The following VGLL4 variants were observed in gnomAD, a reference collection of about 807,000 sequenced individuals.
VGLL4 encodes transcription cofactor vestigial-like protein 4.
VGLL4 carries 7 observed loss-of-function variants against 21.0 expected under a neutral mutation model. The observed-to-expected ratio is 0.33, with a 90% confidence interval of 0.19 to 0.63. The LOEUF is 0.63. VGLL4 is among the 20% of genes least tolerant of loss of function. The pLI is 0.78. For synonymous variants in VGLL4, 222 were observed against 173.2 expected (o/e 1.28, Z -2.21); for missense variants, 394 against 425.7 (o/e 0.93, Z 0.66).
At position 11,675,084 on chromosome 3, in the gene VGLL4, G is replaced by A. The variant is rs146765788; in HGVS notation, c.64+27887C>T. Reference sequence around the variant, plus strand: ...AGGCTGGGCGCAGTGGCTCACGCCCGTAATCCCAACACTCTGGGAGGCCGA... The same window carrying A: ...AGGCTGGGCGCAGTGGCTCACGCCCATAATCCCAACACTCTGGGAGGCCGA... On this transcript the variant is annotated intron_variant, in intron 2 of 5. Transcript: ENST00000273038. Among the ~76,000 whole-genome samples, 370 of 152,318 alleles carry A rather than the reference G, an allele frequency of 2.4e-3. 1 individual carries two copies. Among genetic ancestry groups the A allele is most frequent in the African/African-American group, 7.5e-3 (310 of 41,578 alleles).
intron 1 of VGLL4, among the ~76,000 whole-genome samples, chr3:11,709,222 G>C (rs1328360300): frequency 6.6e-6 from 1 of 151,838 alleles, no homozygotes; most frequent in Admixed American, 6.6e-5. Context: ...CGGATCACAA[G>C]GTCAGGAGTT....
intron 1 of VGLL4, among the ~76,000 whole-genome samples, chr3:11,717,550 A>T (rs2076936880): frequency 2.5e-5 from 3 of 122,410 alleles, no homozygotes; most frequent in Non-Finnish European, 4.7e-5. Context: ...TCTGTTGTCC[A>T]GGCTGGTCTG....
intron 2 of VGLL4, among the ~76,000 whole-genome samples, chr3:11,569,076 A>G (rs1049358673): frequency 3.3e-5 from 5 of 152,248 alleles, no homozygotes; most frequent in Non-Finnish European, 5.9e-5. Context: ...ACATCTGGGG[A>G]AAAGTAAACC....
intron 2 of VGLL4, among the ~76,000 whole-genome samples, chr3:11,688,292 CAGAA>C (rs2076479805): frequency 6.6e-6 from 1 of 152,124 alleles, no homozygotes; most frequent in African/African-American, 2.4e-5. Context: ...ATTAGCCTCA[CAGAA>C]AGAATTACAA....
intron 1 of VGLL4, among the ~76,000 whole-genome samples, chr3:11,717,204 C>A (rs1262624874): frequency 4.0e-5 from 6 of 150,230 alleles, no homozygotes; most frequent in Non-Finnish European, 7.4e-5. Context: ...CGGAGTTTCA[C>A]AATTTCAGTG....
Position 11,558,447 on chromosome 3 carries a change from C to A in VGLL4, c.*109G>T. On this transcript the variant is annotated 3_prime_UTR_variant, in exon 5 of 5. Coordinates refer to ENST00000430365, the MANE Select transcript of VGLL4 (RefSeq NM_001128219.3). Reference sequence around the variant, plus strand: ...CATGGTTTTTGCAAATAAACCATCCCTTCCCTTCCCCCCACCCCACCCCCA... The same window carrying A: ...CATGGTTTTTGCAAATAAACCATCCATTCCCTTCCCCCCACCCCACCCCCA... 1 of 1,409,932 alleles carries A rather than the reference C, an allele frequency of 7.1e-7. No individual in the cohort carries two copies. The highest frequency in any genetic ancestry group is 9.4e-7 in the Non-Finnish European group (1 of 1,068,088). The allele number at this position is 1,409,932 out of a possible 1,614,324, so 87.3% of individuals were successfully genotyped here. A position where few individuals can be genotyped will look rare whatever the true frequency, so the allele number is the denominator to read the frequency against.
intron 2 of VGLL4, among the ~76,000 whole-genome samples, chr3:11,686,663 T>G (rs78586263): frequency 0.016 from 2,392 of 152,374 alleles, 57 homozygotes; most frequent in African/African-American, 0.052. Context: ...TTTCATGTTA[T>G]GTGTATTTCA....
chr3:11,670,174 A>G (rs1204739752), intron 2 of VGLL4, among the ~76,000 whole-genome samples: 2 of 150,898 alleles, frequency 1.3e-5, no homozygotes, highest in Non-Finnish European at 3.0e-5. Flanking sequence ...AGTCTTCCCT[A>G]TCATCCTCCC....
At chr3:11,657,792 A>ATGCCTG (rs1227175362) in intron 2 of VGLL4, among the ~76,000 whole-genome samples, 1 of 152,226 alleles carries the variant, frequency 6.6e-6, no homozygotes, top group Admixed American at 6.5e-5. Flanking sequence ...AGGTTAGAGA[A>ATGCCTG]TGCCTGTGCC....
chr3:11,645,312 C>T (rs1406263522), upstream of VGLL4, among the ~76,000 whole-genome samples: 2 of 151,656 alleles, frequency 1.3e-5, no homozygotes, highest in Non-Finnish European at 2.9e-5. Flanking sequence ...AGCAATAGGC[C>T]AGGCGCGGTG....
chr3:11,667,642 A>T (rs916618446), intron 2 of VGLL4, among the ~76,000 whole-genome samples: 5 of 152,122 alleles, frequency 3.3e-5, no homozygotes, highest in African/African-American at 1.2e-4. Flanking sequence ...TACAAAACAC[A>T]TGTGTAGAAG....
At position 11,673,881 on chromosome 3, in the gene VGLL4, C is replaced by T. The variant is rs147481488; in HGVS notation, c.64+29090G>A. Among the ~76,000 whole-genome samples the T allele has an allele frequency of 7.8e-3, 1,178 of 151,776 alleles. 18 individuals are homozygous for T. The highest frequency in any genetic ancestry group is 0.026 in the African/African-American group (1,096 of 41,404). ...ATACAAAATTAGCTGGGCGTGGTAGCGGCGCCTATAATCCCAGCAACTCAG... is the reference window on the plus strand; with the variant it reads ...ATACAAAATTAGCTGGGCGTGGTAGTGGCGCCTATAATCCCAGCAACTCAG... On this transcript the variant is annotated intron_variant, in intron 2 of 5. Transcript: ENST00000273038.
At position 11,565,916 on chromosome 3, in the gene VGLL4, T is replaced by A. The variant is rs2073470162; in HGVS notation, c.273-897A>T. 6.6e-6 allele frequency among the ~76,000 whole-genome samples: 1 copy of A among 152,240 alleles called. No individual in the cohort carries two copies. The highest frequency in any genetic ancestry group is 6.5e-5 in the Admixed American group (1 of 15,284). On this transcript the variant is annotated intron_variant, in intron 2 of 4. Coordinates refer to ENST00000430365, the MANE Select transcript of VGLL4 (RefSeq NM_001128219.3). The surrounding 1 kb of genome is among the most constrained non-coding windows in gnomAD (Gnocchi z 4.1). ...CCCACAGTTCCATCTGCCTTGGGTCTTGCCCCTTCAATCCACCATATTATC... is the reference window on the plus strand; with the variant it reads ...CCCACAGTTCCATCTGCCTTGGGTCATGCCCCTTCAATCCACCATATTATC...
Position 11,558,452 on chromosome 3 carries a change from C to G in VGLL4, c.*104G>C. The G allele has an allele frequency of 2.2e-6, 3 of 1,355,788 alleles. No individual in the cohort carries two copies. Among genetic ancestry groups the G allele is most frequent in the Non-Finnish European group, 2.9e-6 (3 of 1,022,314 alleles). 84.0% of individuals were successfully genotyped at this position (1,355,788 alleles called of 1,614,324 possible). On this transcript the variant is annotated 3_prime_UTR_variant, in exon 5 of 5. Coordinates refer to ENST00000430365, the MANE Select transcript of VGLL4 (RefSeq NM_001128219.3). ...TTTTTGCAAATAAACCATCCCTTCC[C>G]TTCCCCCCACCCCACCCCCATGATT...
chr3:11,592,481 C>A (rs56203378), intron 2 of VGLL4, among the ~76,000 whole-genome samples: 3,509 of 152,178 alleles, frequency 0.023, 143 homozygotes, highest in African/African-American at 0.08. Context: ...ACTAACGTCC[C>A]GGGGCCTCCA....
chr3:11,578,976 C>T (rs2074144945), intron 2 of VGLL4, among the ~76,000 whole-genome samples: 1 of 151,854 alleles, frequency 6.6e-6, no homozygotes, highest in South Asian at 2.1e-4. Context: ...TCTCAATTTC[C>T]TGACCTCATG....
intron 2 of VGLL4, among the ~76,000 whole-genome samples, chr3:11,662,967 A>T (rs868315504): frequency 2.4e-4 from 36 of 152,346 alleles, no homozygotes; most frequent in African/African-American, 7.0e-4. Flanking sequence ...ATAAACTAGG[A>T]AATAAAATTA....
At chr3:11,585,143 A>G (rs924673715) in intron 2 of VGLL4, among the ~76,000 whole-genome samples, 3 of 152,182 alleles carry the variant, frequency 2.0e-5, no homozygotes, top group African/African-American at 7.2e-5. Flanking sequence ...CACAGTCAAG[A>G]GACTTCACTG....
chr3:11,664,654 C>T (rs2076083840), intron 2 of VGLL4, among the ~76,000 whole-genome samples: 2 of 152,176 alleles, frequency 1.3e-5, no homozygotes, highest in South Asian at 4.1e-4. Flanking sequence ...CCCATGAAAC[C>T]TGGAGTGTGT....
Sources: allele counts gnomAD v4.1 joint callset (sites outside exome capture counted in the v4.1 genomes callset), GRCh38; gene constraint gnomAD v4.1.1; non-coding constraint Gnocchi (gnomAD v3.1); transcripts MANE v1.5; gene names NCBI Gene and HGNC (gene_info 2026-07-23, HGNC 2026-07-21).